The following ACAD10 variants were observed in gnomAD, a reference collection of about 807,000 sequenced individuals.
ACAD10 encodes ACAD-10.
In ACAD10, 112 loss-of-function variants were observed where a neutral mutation model predicts 116.8. The observed-to-expected ratio is 0.96, with a 90% CI of 0.82 to 1.12. The LOEUF (loss-of-function observed/expected upper bound fraction) is 1.12, where lower values mean the gene tolerates loss of function less well. Ranked by LOEUF, ACAD10 falls within the 50% of genes most tolerant of loss-of-function variation. The pLI is 0.00. For synonymous variants in ACAD10, 486 were observed against 510.6 expected (o/e 0.95, Z 0.65); for missense variants, 1,259 against 1,350.2 (o/e 0.93, Z 1.06).
intron 2 of ACAD10, among the ~76,000 whole-genome samples, chr12:111,693,822 G>A (rs1379043067): frequency 6.6e-6 from 1 of 152,172 alleles, no homozygotes; most frequent in African/African-American, 2.4e-5. Flanking sequence ...TAACAAAACA[G>A]TGACTGAAAC....
intron 19 of ACAD10, 70 bp from the exon 20 acceptor site, chr12:111,755,598 C>T (rs374326377): frequency 5.5e-5 from 63 of 1,154,064 alleles, no homozygotes; most frequent in Non-Finnish European, 7.5e-5. Context: ...AGATGGGGGA[C>T]GGGGGGGCCT....
At chr12:111,735,491 T>C (rs1889521762) in intron 11 of ACAD10, among the ~76,000 whole-genome samples, 1 of 151,838 alleles carries the variant, frequency 6.6e-6, no homozygotes, top group African/African-American at 2.4e-5. Flanking sequence ...AGTCTCGCTC[T>C]GTTGCCCAGG....
In ACAD10 at chr12:111,756,613, T is replaced by C. The variant is rs1277306102; in HGVS notation, c.*140T>C. 2 of 1,325,780 alleles carry C rather than the reference T, an allele frequency of 1.5e-6. No individual in the cohort carries two copies. Among genetic ancestry groups the C allele is most frequent in the Non-Finnish European group, 1.0e-6 (1 of 956,594 alleles). 82.1% of individuals were successfully genotyped at this position (1,325,780 alleles called of 1,614,324 possible). A position where few individuals can be genotyped will look rare whatever the true frequency, so the allele number is the denominator to read the frequency against. On this transcript the variant is annotated 3_prime_UTR_variant, in exon 21 of 21. Coordinates refer to ENST00000313698, the MANE Select transcript of ACAD10 (RefSeq NM_025247.6). ...CTGTCCCGGGACAGTCAGGGTGGAC[T>C]CAATCTTTCTGGTTCTCCACAGAAG... is the stretch of plus-strand genomic sequence containing the variant.
intron 8 of ACAD10, among the ~76,000 whole-genome samples, chr12:111,727,510 C>T (rs1184949664): frequency 3.9e-5 from 6 of 152,086 alleles, no homozygotes; most frequent in Non-Finnish European, 7.4e-5. Context: ...GGTGACAGAG[C>T]GAGACTCCGT....
chr12:111,753,711 CG>C, intron 18 of ACAD10, 60 bp from the exon 19 acceptor site: 1 of 1,611,188 alleles, frequency 6.2e-7, no homozygotes, highest in Non-Finnish European at 8.5e-7. Context: ...CACCAGCCCC[CG>C]CCTCTCGTGG....
At chr12:111,691,731 A>G (rs1312991199) in intron 1 of ACAD10, among the ~76,000 whole-genome samples, 4 of 146,538 alleles carry the variant, frequency 2.7e-5, no homozygotes, top group East Asian at 4.2e-4. Context: ...AAGTAGCTGG[A>G]TTACAGGCAC....
chr12:111,700,744 T>TTC (rs1400394382), intron 2 of ACAD10, among the ~76,000 whole-genome samples: 7 of 145,948 alleles, frequency 4.8e-5, no homozygotes, highest in African/African-American at 1.8e-4. Context: ...CCTTCCTTCC[T>TTC]CTTCTTTTTT....
At chr12:111,698,284 C>T (rs1203048604) in intron 2 of ACAD10, among the ~76,000 whole-genome samples, 7 of 149,368 alleles carry the variant, frequency 4.7e-5, no homozygotes, top group Non-Finnish European at 1.0e-4. Context: ...AGGCACAAGC[C>T]ACTGCATCTG....
intron 17 of ACAD10, chr12:111,748,896 G>T: frequency 1.9e-6 from 2 of 1,074,556 alleles, no homozygotes; most frequent in Non-Finnish European, 2.7e-6. Flanking sequence ...TCACTACATT[G>T]TCACAAACCA....
chr12:111,726,856 A>G (rs1889228462), intron 8 of ACAD10, among the ~76,000 whole-genome samples: 1 of 151,860 alleles, frequency 6.6e-6, no homozygotes, highest in Non-Finnish European at 1.5e-5. Context: ...GCGAGACTCC[A>G]TCTCAACAAC....
At chr12:111,706,802 C>T (rs1664954347) in intron 4 of ACAD10, among the ~76,000 whole-genome samples, 1 of 135,990 alleles carries the variant, frequency 7.4e-6, no homozygotes, top group African/African-American at 2.9e-5. Context: ...TTGAGACCAT[C>T]TCACTCTGTT....
At chr12:111,702,820 G>A (rs1050408110) in intron 3 of ACAD10, among the ~76,000 whole-genome samples, 13 of 151,916 alleles carry the variant, frequency 8.6e-5, no homozygotes, top group Admixed American at 2.6e-4. Context: ...TTAGCCAGGC[G>A]TGGTGGCTAA....
chr12:111,707,200 G>A (rs936339604), intron 4 of ACAD10, among the ~76,000 whole-genome samples: 2 of 150,858 alleles, frequency 1.3e-5, no homozygotes, highest in Non-Finnish European at 3.0e-5. Flanking sequence ...AGCAATTCTC[G>A]TGCCTCAGCC....
chr12:111,724,303 C>T (rs555427608), intron 8 of ACAD10, among the ~76,000 whole-genome samples: 99 of 151,904 alleles, frequency 6.5e-4, no homozygotes, highest in African/African-American at 2.1e-3. Flanking sequence ...GGGGCGGAGA[C>T]GCTCCTCACT....
rs1887837932 is a variant in ACAD10 at position 111,686,147 on chromosome 12, GT to G, written c.-102del. On this transcript the variant is annotated 5_prime_UTR_variant, in exon 1 of 21. Transcript: ENST00000313698. ...GTGCCACACTTAGGCTGAGCTGCAG[GT>G]TTTCGCACAGTCGCGAGTTAACCTC... The G allele has an allele frequency of 6.2e-6, 1 of 161,348 alleles. No individual in the cohort carries two copies. The highest frequency in any genetic ancestry group is 6.5e-5 in the Admixed American group (1 of 15,500). The allele number at this position is 161,348 out of a possible 1,614,324, so 10.0% of individuals were successfully genotyped here.
intron 6 of ACAD10, 151 bp from the exon 7 acceptor site, chr12:111,715,670 C>T (rs1159979908): frequency 6.9e-6 from 7 of 1,016,104 alleles, no homozygotes; most frequent in Non-Finnish European, 7.2e-6. Flanking sequence ...TCAGTCACTC[C>T]TAGTAGGCAG....
chr12:111,706,403 C>T (rs548317786), intron 4 of ACAD10, among the ~76,000 whole-genome samples: 15 of 152,144 alleles, frequency 9.9e-5, no homozygotes, highest in Non-Finnish European at 1.9e-4. Flanking sequence ...ATAAACCTAT[C>T]GTTTTGACAT....
chr12:111,711,688 AT>A (rs1888690953), intron 5 of ACAD10, among the ~76,000 whole-genome samples: 1 of 149,676 alleles, frequency 6.7e-6, no homozygotes. Context: ...AATTTTTTGT[AT>A]TTTTAGTAGA....
intron 1 of ACAD10, among the ~76,000 whole-genome samples, chr12:111,689,962 G>A (rs535053737): frequency 2.1e-4 from 32 of 152,118 alleles, no homozygotes; most frequent in Admixed American, 1.6e-3. Context: ...TGATCCGCCC[G>A]CCTCGGCCTC....
Sources: gnomAD v4.1 joint callset for allele counts (sites outside exome capture counted in the v4.1 genomes callset) on GRCh38, gnomAD v4.1.1 for gene constraint, MANE v1.5 for transcripts, NCBI Gene and HGNC (gene_info 2026-07-23, HGNC 2026-07-21) for gene names.